The following GDF1 variants were observed in gnomAD, a reference collection of about 807,000 sequenced individuals.
The protein encoded by GDF1 is growth differentiation factor 1.
In GDF1, 8 loss-of-function variants were observed where a neutral mutation model predicts 7.4. The observed-to-expected ratio is 1.09, with a 90% CI of 0.64 to 1.96. The LOEUF (loss-of-function observed/expected upper bound fraction) is 1.96. Among genes scored for constraint, GDF1 ranks in the 30% most tolerant of loss-of-function variants. The pLI is 0.00. For missense variants in GDF1, 574 were observed against 551.5 expected (o/e 1.04, Z -0.41); for synonymous variants, 311 against 276.7 (o/e 1.12, Z -1.23).
chr19:18,874,642 G>A (rs937013448), intron 6 of GDF1, among the ~76,000 whole-genome samples: 2 of 152,252 alleles, frequency 1.3e-5, no homozygotes, highest in African/African-American at 4.8e-5. Flanking sequence ...GAGGGGCTGA[G>A]TCATGACAAG....
chr19:18,889,921 T>C (rs1297080213), intron 2 of GDF1, among the ~76,000 whole-genome samples: 2 of 152,162 alleles, frequency 1.3e-5, no homozygotes, highest in East Asian at 3.8e-4. Flanking sequence ...CAGCTCTGCC[T>C]TCTAAACATT....
intron 3 of GDF1, among the ~76,000 whole-genome samples, chr19:18,880,967 G>A (rs1568299292): frequency 6.6e-6 from 1 of 152,144 alleles, no homozygotes; most frequent in Non-Finnish European, 1.5e-5. Context: ...CCAAAGTGCT[G>A]GGATTACAGG....
intron 2 of GDF1, among the ~76,000 whole-genome samples, chr19:18,889,726 G>A (rs2056447316): frequency 6.6e-6 from 1 of 151,852 alleles, no homozygotes; most frequent in Non-Finnish European, 1.5e-5. Flanking sequence ...CACCGCACCT[G>A]GCCTGTCCCA....
chr19:18,870,367 G>A lies in GDF1; in HGVS notation c.-60C>T, dbSNP rs2055946428. Reference sequence around the variant, plus strand: ...GTCCGCGGCGGCCCGGGACCAGTGGGCTGAGGGCGGGGCCGGTGTCCCCGG... The same window carrying A: ...GTCCGCGGCGGCCCGGGACCAGTGGACTGAGGGCGGGGCCGGTGTCCCCGG... On this transcript the variant is annotated 5_prime_UTR_variant, in exon 7 of 8. Transcript: ENST00000247005. This position sits in a 1 kb window ranked among gnomAD's most constrained non-coding sequence, Gnocchi z 5.1. 1 of 1,535,724 alleles carries A rather than the reference G, an allele frequency of 6.5e-7. No homozygotes were observed.
intron 2 of GDF1, among the ~76,000 whole-genome samples, chr19:18,885,999 G>A (rs565153632): frequency 7.9e-5 from 12 of 152,264 alleles, no homozygotes; most frequent in South Asian, 2.1e-4. Context: ...CCTGCCTCCT[G>A]GTGCACCTGA....
Position 18,893,536 on chromosome 19 carries a change from C to A in GDF1, c.-1034G>T, listed in dbSNP as rs374076863. The A allele has an allele frequency of 1.9e-6, 3 of 1,610,564 alleles. No homozygotes were observed. Among genetic ancestry groups the A allele is most frequent in the Non-Finnish European group, 2.5e-6 (3 of 1,178,764 alleles). On this transcript the variant is annotated 5_prime_UTR_variant, in exon 2 of 8. Coordinates refer to ENST00000247005, the MANE Select transcript of GDF1 (RefSeq NM_001492.6). ...TTCCAAGCGCTCTCGGGCATCTTGG[C>A]GGCATCTCTGGGCTGGAGGCAGCAC... is the stretch of plus-strand genomic sequence containing the variant.
intron 1 of GDF1, among the ~76,000 whole-genome samples, chr19:18,894,341 C>G (rs900080342): frequency 6.6e-6 from 1 of 152,050 alleles, no homozygotes; most frequent in Non-Finnish European, 1.5e-5. Flanking sequence ...CTGAGGGGGC[C>G]GGAGCCCAGA....
rs185986811 is a variant in GDF1, at chr19:18,890,221, C to T, written c.-914+3195G>A. Among the ~76,000 whole-genome samples the T allele has an allele frequency of 1.5e-3, 233 of 152,318 alleles. 1 individual carries two copies. Among genetic ancestry groups the T allele is most frequent in the Non-Finnish European group, 2.5e-3 (172 of 68,028 alleles). On this transcript the variant is annotated intron_variant, in intron 2 of 7. Coordinates refer to ENST00000247005, the MANE Select transcript of GDF1 (RefSeq NM_001492.6). ...ACTCAGTCCCCTTAAGTGGGGCCAC[C>T]CCTGTCCCTGCTAAAAACTGCCCCT...
Position 18,895,804 on chromosome 19 carries a change from C to A in GDF1, c.-1074+20G>T. 4 of 1,216,782 alleles carry A rather than the reference C, an allele frequency of 3.3e-6. No homozygotes were observed. Among genetic ancestry groups the A allele is most frequent in the South Asian group, 2.3e-5 (1 of 43,072 alleles). 75.4% of individuals were successfully genotyped at this position (1,216,782 alleles called of 1,614,324 possible). A position where few individuals can be genotyped will look rare whatever the true frequency, so the allele number is the denominator to read the frequency against. On this transcript the variant is annotated intron_variant, in intron 1 of 7. Coordinates refer to ENST00000247005, the MANE Select transcript of GDF1 (RefSeq NM_001492.6). The surrounding 1 kb of genome is among the most constrained non-coding windows in gnomAD (Gnocchi z 6.4). ...CCCCCAGTCCGGGGTCCCCTCGTCC[C>A]GGCCCCCGGCCACACTGACCCGAAA... is the stretch of plus-strand genomic sequence containing the variant.
At chr19:18,871,845 C>T (rs2055975984) in intron 6 of GDF1, among the ~76,000 whole-genome samples, 1 of 152,330 alleles carries the variant, frequency 6.6e-6, no homozygotes, top group South Asian at 2.1e-4. Context: ...GGCGTTTCTT[C>T]ATCCACCCTT....
chr19:18,869,524 G>C, intron 7 of GDF1, 134 bp from the exon 8 acceptor site: 1 of 1,257,478 alleles, frequency 8.0e-7, no homozygotes, highest in South Asian at 1.5e-5. Flanking sequence ...TGAAGCGGCG[G>C]GGTGGGCTGA....
chr19:18,876,772 C>T (rs1160431992), intron 6 of GDF1, among the ~76,000 whole-genome samples: 1 of 152,204 alleles, frequency 6.6e-6, no homozygotes, highest in African/African-American at 2.4e-5. Flanking sequence ...TCCAGCTCCC[C>T]TGACATTACA....
chr19:18,888,698 T>C (rs538199599), intron 2 of GDF1, among the ~76,000 whole-genome samples: 2 of 148,000 alleles, frequency 1.4e-5, no homozygotes, highest in Non-Finnish European at 3.0e-5. Context: ...GGTGTGGTAG[T>C]ACATGCCTGT....
chr19:18,881,081 CTG>C (rs1216966212), intron 3 of GDF1, among the ~76,000 whole-genome samples: 3 of 152,170 alleles, frequency 2.0e-5, no homozygotes, highest in Non-Finnish European at 4.4e-5. Context: ...CTGGGGTACT[CTG>C]TGTCCAGATC....
Position 18,896,106 on chromosome 19 carries a change from G to C in GDF1, c.-1356C>G. On this transcript the variant is annotated 5_prime_UTR_variant, in exon 1 of 8. Coordinates refer to ENST00000247005, the MANE Select transcript of GDF1 (RefSeq NM_001492.6). This position sits in a 1 kb window ranked among gnomAD's most constrained non-coding sequence, Gnocchi z 5.9. ...CTCGCCCGCCGTGCCCGTCGCCTGC[G>C]CCCGCCCGCGGTAGCCGACGGAGCC... 1.2e-6 allele frequency: 1 copy of C among 862,462 alleles called. No homozygotes were observed. The highest frequency in any genetic ancestry group is 1.4e-6 in the Non-Finnish European group (1 of 720,720). 53.4% of individuals were successfully genotyped at this position (862,462 alleles called of 1,614,324 possible).
chr19:18,888,927 T>A (rs1386575334), intron 2 of GDF1, among the ~76,000 whole-genome samples: 3 of 147,354 alleles, frequency 2.0e-5, no homozygotes, highest in Non-Finnish European at 4.5e-5. Context: ...AGTCTTGCTC[T>A]GTCGCCTAGG....
At chr19:18,893,619 C>A (rs746029440) in intron 1 of GDF1, 44 bp from the exon 2 acceptor site, 4 of 1,567,414 alleles carry the variant, frequency 2.6e-6, no homozygotes, top group Non-Finnish European at 3.5e-6. Flanking sequence ...TGCTGGGGGC[C>A]AGAGACTGCT....
chr19:18,893,771 C>G (rs1280889504), intron 1 of GDF1, among the ~76,000 whole-genome samples, 196 bp from the exon 2 acceptor site: 1 of 152,090 alleles, frequency 6.6e-6, no homozygotes, highest in Non-Finnish European at 1.5e-5. Context: ...GCCCAGCTGT[C>G]CGGCCGCCGC....
intron 6 of GDF1, among the ~76,000 whole-genome samples, chr19:18,873,173 C>CT (rs1417177935): frequency 6.6e-6 from 1 of 152,134 alleles, no homozygotes; most frequent in Non-Finnish European, 1.5e-5. Context: ...TGACACTAGT[C>CT]TATCACTAGA....
Sources: gnomAD v4.1 joint callset for allele counts (sites outside exome capture counted in the v4.1 genomes callset) on GRCh38, gnomAD v4.1.1 for gene constraint, Gnocchi (gnomAD v3.1) non-coding constraint, MANE v1.5 for transcripts, NCBI Gene and HGNC (gene_info 2026-07-23, HGNC 2026-07-21) for gene names.